The following FYB2 variants were observed in gnomAD, a reference collection of about 807,000 sequenced individuals.
The protein encoded by FYB2 is FYN-binding protein 2.
A neutral mutation model predicts 94.1 loss-of-function variants in FYB2; 103 were observed. The observed-to-expected ratio is 1.09, with a 90% CI of 0.93 to 1.29. The LOEUF (loss-of-function observed/expected upper bound fraction) is 1.29, where lower values mean the gene tolerates loss of function less well. Among genes scored for constraint, FYB2 ranks in the 50% most tolerant of loss-of-function variants. FYB2 has a pLI of 0.00. For synonymous variants in FYB2, 293 were observed against 287.9 expected, an observed-to-expected ratio of 1.02 and a Z score of -0.18; for missense variants, 896 against 841.5, an observed-to-expected ratio of 1.06 and a Z score of -0.80.
At chr1:56,804,177 T>C (rs768255288) in intron 1 of FYB2, among the ~76,000 whole-genome samples, 1 of 152,176 alleles carries the variant, frequency 6.6e-6, no homozygotes, top group Non-Finnish European at 1.5e-5. Flanking sequence ...CTACAATTAT[T>C]CAAGTAGATG....
chr1:56,728,177 A>ATG (rs1644623754), intron 15 of FYB2, among the ~76,000 whole-genome samples: 1 of 152,046 alleles, frequency 6.6e-6, no homozygotes, highest in Non-Finnish European at 1.5e-5. Flanking sequence ...AGTGTTTTCC[A>ATG]TTTACAGTTG....
intron 1 of FYB2, among the ~76,000 whole-genome samples, chr1:56,800,408 T>C (rs1487244753): frequency 1.3e-5 from 2 of 152,158 alleles, no homozygotes; most frequent in African/African-American, 4.8e-5. Flanking sequence ...GAACTGACAC[T>C]GTAGTTGTTA....
intron 1 of FYB2, among the ~76,000 whole-genome samples, chr1:56,797,435 G>T (rs540195751): frequency 6.6e-6 from 1 of 152,162 alleles, no homozygotes; most frequent in South Asian, 2.1e-4. Flanking sequence ...CCTTACCCTG[G>T]GTATACACTG....
intron 5 of FYB2, among the ~76,000 whole-genome samples, chr1:56,767,386 T>A (rs1004423213): frequency 6.6e-5 from 10 of 152,162 alleles, no homozygotes; most frequent in African/African-American, 2.2e-4. Flanking sequence ...CTGCTCCTAT[T>A]CAGACTGAAC....
intron 1 of FYB2, among the ~76,000 whole-genome samples, chr1:56,801,457 C>T (rs1461929945): frequency 6.6e-6 from 1 of 152,206 alleles, no homozygotes; most frequent in African/African-American, 2.4e-5. Context: ...TATTACTACT[C>T]TCATGACAAT....
Position 56,792,427 on chromosome 1 carries a change from T to G in FYB2, c.386A>C (p.Lys129Thr). The G allele has an allele frequency of 6.2e-7, 1 of 1,614,184 alleles. No individual in the cohort carries two copies. Among genetic ancestry groups the G allele is most frequent in the Non-Finnish European group, 8.5e-7 (1 of 1,180,032 alleles). Residue 129 changes from lysine (K) to threonine (T), a missense_variant, in exon 2 of 20, where the codon AAA (lysine) becomes ACA (threonine). Lys to Thr is a moderately conservative substitution (Grantham distance 78). Transcript: ENST00000343433. ...TCTGAAGCTATTGGCCACCATTACTTTTTCCTTAGTGATTATCTCAACATT... is the reference window on the plus strand; with the variant it reads ...TCTGAAGCTATTGGCCACCATTACTGTTTCCTTAGTGATTATCTCAACATT... ...QSNVEIITKEKVMVANSFRNK... is the reference protein window; with the variant it reads ...QSNVEIITKETVMVANSFRNK...
chr1:56,784,811 T>C (rs1475988274), intron 4 of FYB2, among the ~76,000 whole-genome samples: 1 of 152,182 alleles, frequency 6.6e-6, no homozygotes, highest in East Asian at 1.9e-4. Flanking sequence ...ATCAACTACA[T>C]GTCAGAACGG....
chr1:56,756,340 C>T (rs1490563521), intron 6 of FYB2, among the ~76,000 whole-genome samples: 1 of 152,128 alleles, frequency 6.6e-6, no homozygotes, highest in Non-Finnish European at 1.5e-5. Flanking sequence ...ACTCGCTGAT[C>T]ATGTGCCCTG....
intron 1 of FYB2, among the ~76,000 whole-genome samples, chr1:56,794,644 A>G (rs1646352042): frequency 6.6e-6 from 1 of 151,892 alleles, no homozygotes; most frequent in African/African-American, 2.4e-5. Context: ...CTCCTTTTTC[A>G]TCTCTCTGTT....
At chr1:56,729,422 CTG>C (rs1644654957) in intron 15 of FYB2, among the ~76,000 whole-genome samples, 1 of 152,078 alleles carries the variant, frequency 6.6e-6, no homozygotes, top group Non-Finnish European at 1.5e-5. Context: ...GCCTGAGCAA[CTG>C]TGTGTTTATT....
At chr1:56,771,927 G>GTTGCATATTTTCTAGAAAATATT (rs374032843) in intron 4 of FYB2, among the ~76,000 whole-genome samples, 6 of 151,438 alleles carry the variant, frequency 4.0e-5, no homozygotes, top group African/African-American at 4.8e-5. Context: ...TTTTTGCATA[G>GTTGCATATTTTCTAGAAAATATT]TTGCATATTT....
intron 3 of FYB2, 77 bp from the exon 4 acceptor site, chr1:56,787,285 C>A: frequency 6.5e-7 from 1 of 1,527,048 alleles, no homozygotes; most frequent in Non-Finnish European, 9.1e-7. Context: ...TGTGTGATGA[C>A]TTGATCCCAC....
At chr1:56,824,290 G>A (rs41285932), upstream of FYB2, 1,149 of 152,432 alleles carry the variant, frequency 7.5e-3, 5 homozygotes, top group Middle Eastern at 0.02. Context: ...ATCTGGTGAG[G>A]GCCGGTCTCT....
chr1:56,756,926 T>C (rs857107), intron 6 of FYB2, among the ~76,000 whole-genome samples: 47,214 of 151,872 alleles, frequency 0.31, 7,693 homozygotes, highest in South Asian at 0.45. Flanking sequence ...TGTGGTAGTT[T>C]GGTGTGAAGG....
intron 19 of FYB2, 128 bp from the exon 20 acceptor site, chr1:56,719,820 G>T: frequency 9.3e-7 from 1 of 1,078,848 alleles, no homozygotes; most frequent in Non-Finnish European, 1.3e-6. Context: ...TTATAAAGCT[G>T]TGTAGAGAAG....
At chr1:56,725,194 G>A (rs1644560175) in intron 16 of FYB2, among the ~76,000 whole-genome samples, 2 of 151,930 alleles carry the variant, frequency 1.3e-5, no homozygotes, top group African/African-American at 4.8e-5. Flanking sequence ...CCCAGCCTCA[G>A]GTGTTCCTTT....
chr1:56,747,834 C>A (rs1053520550), intron 9 of FYB2, among the ~76,000 whole-genome samples: 1 of 152,064 alleles, frequency 6.6e-6, no homozygotes, highest in Non-Finnish European at 1.5e-5. Context: ...CGCTGTCTTC[C>A]ACAATCGTTG....
chr1:56,743,668 C>T (rs1645006506), intron 11 of FYB2, among the ~76,000 whole-genome samples: 1 of 151,954 alleles, frequency 6.6e-6, no homozygotes, highest in Admixed American at 6.6e-5. Flanking sequence ...GTAGGTTAGT[C>T]AAGGACTCTA....
chr1:56,792,108 T>G lies in FYB2; in HGVS notation c.705A>C (p.Ala235=), dbSNP rs773115976. The G allele has an allele frequency of 3.7e-5, 60 of 1,610,770 alleles. No homozygotes were observed. The highest frequency in any genetic ancestry group is 4.9e-5 in the Non-Finnish European group (58 of 1,178,944). ...WENPPPERSP[A]SSPCQPIYEC... ...CATAGATGGGCTGGCAGGGGCTGCT[T>G]GCCGGGCTCCTCTCAGGAGGTGGGT... is the stretch of plus-strand genomic sequence containing the variant. The change falls in exon 2 of 20, where the codon GCA becomes GCC. Residue 235 remains alanine, a synonymous_variant. Coordinates refer to ENST00000343433, the MANE Select transcript of FYB2 (RefSeq NM_001004303.5).
Sources: gnomAD v4.1 joint callset for allele counts (sites outside exome capture counted in the v4.1 genomes callset) on GRCh38, gnomAD v4.1.1 for gene constraint, MANE v1.5 for transcripts, NCBI Gene and HGNC (gene_info 2026-07-23, HGNC 2026-07-21) for gene names.